The following PHTF2 variants were observed in gnomAD, a reference collection of about 807,000 sequenced individuals.
PHTF2 encodes protein PHTF2.
Under a neutral mutation model 101.2 loss-of-function variants are expected in PHTF2, and 60 were observed. The observed-to-expected ratio is 0.59, with a 90% CI of 0.48 to 0.73. PHTF2 has a LOEUF of 0.73. Ranked by LOEUF, PHTF2 falls within the 30% of genes least tolerant of loss-of-function variation. The pLI is 0.00. For missense variants in PHTF2, 747 were observed against 908.7 expected, an observed-to-expected ratio of 0.82 and a Z score of 2.29; for synonymous variants, 311 against 307.3, an observed-to-expected ratio of 1.01 and a Z score of -0.13.
intron 3 of PHTF2, among the ~76,000 whole-genome samples, chr7:77,860,175 T>G (rs1014142256): frequency 3.9e-5 from 6 of 152,222 alleles, no homozygotes; most frequent in Non-Finnish European, 8.8e-5. Context: ...CAAAAAACAT[T>G]GAATATAAAA....
chr7:77,857,597 A>G (rs1163432195), intron 3 of PHTF2, among the ~76,000 whole-genome samples: 2 of 152,232 alleles, frequency 1.3e-5, no homozygotes, highest in Non-Finnish European at 2.9e-5. Flanking sequence ...TTACCAGCTG[A>G]ACACCTGTGT....
intron 3 of PHTF2, among the ~76,000 whole-genome samples, chr7:77,874,814 G>A (rs991833013): frequency 4.6e-5 from 7 of 152,184 alleles, no homozygotes; most frequent in Non-Finnish European, 1.0e-4. Context: ...TAAAATATAG[G>A]GGTCTAGTTT....
At chr7:77,899,975 G>GT (rs202227956) in intron 5 of PHTF2, among the ~76,000 whole-genome samples, 33 of 128,746 alleles carry the variant, frequency 2.6e-4, no homozygotes, top group Admixed American at 3.8e-4. Context: ...TTTGTTATAG[G>GT]TTTTTTTTTC....
intron 17 of PHTF2, among the ~76,000 whole-genome samples, chr7:77,950,671 G>A (rs1806457645): frequency 6.6e-6 from 1 of 152,088 alleles, no homozygotes; most frequent in African/African-American, 2.4e-5. Context: ...AAGTATACTT[G>A]AGCCTTATGA....
chr7:77,908,690 A>G lies in PHTF2; in HGVS notation c.446-103A>G, dbSNP rs1802086751. On this transcript the variant is annotated intron_variant, in intron 7 of 19. Transcript: ENST00000416283. ...TAATATTTTAAACTCATTTAAATTT[A>G]GAAAAATATTTTGGCAAAAAATAAT... 12 of 686,230 alleles carry G rather than the reference A, an allele frequency of 1.7e-5. No individual in the cohort carries two copies. The Admixed American group carries it at 3.6e-4, about 21-fold the overall frequency. 42.5% of individuals were successfully genotyped at this position (686,230 alleles called of 1,614,324 possible). A position where few individuals can be genotyped will look rare whatever the true frequency, so the allele number is the denominator to read the frequency against.
chr7:77,875,033 T>C (rs555700292), intron 3 of PHTF2, among the ~76,000 whole-genome samples: 2 of 152,338 alleles, frequency 1.3e-5, no homozygotes, highest in South Asian at 2.1e-4. Flanking sequence ...GTTTGTAATA[T>C]ATTTTGAAAT....
intron 1 of PHTF2, among the ~76,000 whole-genome samples, chr7:77,820,762 T>C (rs1299035634): frequency 1.3e-5 from 2 of 152,226 alleles, no homozygotes; most frequent in East Asian, 1.9e-4. Context: ...CCGTTTACAT[T>C]CAAGGTGATT....
intron 1 of PHTF2, among the ~76,000 whole-genome samples, chr7:77,801,006 A>G (rs1247311547): frequency 2.6e-5 from 4 of 152,210 alleles, no homozygotes; most frequent in Non-Finnish European, 5.9e-5. Context: ...TACTCAGTGG[A>G]AAATAACACT....
At chr7:77,929,920 G>A (rs1160875224) in intron 12 of PHTF2, among the ~76,000 whole-genome samples, 103 of 149,790 alleles carry the variant, frequency 6.9e-4, no homozygotes. Context: ...TAAACACTTA[G>A]AGCACATCTC....
In PHTF2 at chr7:77,836,676, G is replaced by T. The variant is rs191832876; in HGVS notation, c.-35-3545G>T. 9.2e-5 allele frequency among the ~76,000 whole-genome samples: 14 copies of T among 152,270 alleles called. No individual in the cohort carries two copies. In the East Asian group the frequency reaches 2.7e-3, roughly 29 times the overall value. On this transcript the variant is annotated intron_variant, in intron 1 of 19. Coordinates refer to ENST00000416283, the Ensembl canonical transcript of PHTF2. ...AAAGGATGTCCTTTGCAGGGACATG[G>T]ATGATGCTGGAAACCATCATTCTCA...
At position 77,949,814 on chromosome 7, in the gene PHTF2, C is replaced by A; in HGVS notation, c.2096C>A (p.Ser699Ter). Residue 699 changes from serine to a stop codon, truncating the protein, a stop_gained, in exon 17 of 20, where the codon TCA becomes TAA. Transcript: ENST00000416283. LOFTEE classifies it high-confidence loss of function. ...ACAAGTAAAAAATATAGTAATACCT[C>A]AATATTACTTACTGAACAGGTGAGT... The A allele has an allele frequency of 6.7e-7, 1 of 1,503,282 alleles. No individual in the cohort carries two copies. The highest frequency in any genetic ancestry group is 9.1e-7 in the Non-Finnish European group (1 of 1,096,918). 93.1% of individuals were successfully genotyped at this position (1,503,282 alleles called of 1,614,324 possible).
intron 3 of PHTF2, among the ~76,000 whole-genome samples, chr7:77,866,584 C>T (rs1204755232): frequency 6.6e-6 from 1 of 151,894 alleles, no homozygotes; most frequent in Non-Finnish European, 1.5e-5. Context: ...CCTGACGTCT[C>T]TTAAAGCCTC....
chr7:77,814,777 T>C (rs1793727528), intron 1 of PHTF2, among the ~76,000 whole-genome samples: 2 of 151,968 alleles, frequency 1.3e-5, no homozygotes. Context: ...GGGGGGGCAT[T>C]TTTAAACAAC....
chr7:77,927,177 A>AAAAAAAAAATATATATATAT (rs1554388762), intron 11 of PHTF2, among the ~76,000 whole-genome samples: 1 of 78,158 alleles, frequency 1.3e-5, no homozygotes, highest in Non-Finnish European at 2.4e-5. Context: ...AAAAAAAAAA[A>AAAAAAAAAATATATATATAT]ATATATATAT....
intron 3 of PHTF2, among the ~76,000 whole-genome samples, chr7:77,887,253 T>C (rs1436005482): frequency 6.6e-6 from 1 of 152,152 alleles, no homozygotes; most frequent in African/African-American, 2.4e-5. Flanking sequence ...GTGTTCATTT[T>C]CCTGTTAGAA....
At chr7:77,863,790 T>TG in intron 3 of PHTF2, among the ~76,000 whole-genome samples, 1 of 150,764 alleles carries the variant, frequency 6.6e-6, no homozygotes, top group East Asian at 1.9e-4. Context: ...TTGTTTTGTT[T>TG]TTTTTTTTTT....
chr7:77,814,763 G>T (rs975757513), intron 1 of PHTF2, among the ~76,000 whole-genome samples: 34 of 152,026 alleles, frequency 2.2e-4, no homozygotes, highest in African/African-American at 8.2e-4. Context: ...ACCGCGCCCG[G>T]TCTGGGGGGG....
intron 3 of PHTF2, among the ~76,000 whole-genome samples, chr7:77,855,058 C>A (rs1230599892): frequency 6.6e-6 from 1 of 152,222 alleles, no homozygotes; most frequent in African/African-American, 2.4e-5. Flanking sequence ...GCCATCACAG[C>A]TGAGAATGTG....
At chr7:77,873,300 T>C (rs1051610509) in intron 3 of PHTF2, among the ~76,000 whole-genome samples, 5 of 152,184 alleles carry the variant, frequency 3.3e-5, no homozygotes, top group Non-Finnish European at 7.3e-5. Flanking sequence ...AATCCATAAA[T>C]TCAGCTTGAT....
Sources: gnomAD v4.1 joint callset for allele counts (sites outside exome capture counted in the v4.1 genomes callset) on GRCh38, gnomAD v4.1.1 for gene constraint, MANE v1.5 for transcripts, NCBI Gene and HGNC (gene_info 2026-07-23, HGNC 2026-07-21) for gene names.